CENPP: variants seen among roughly 807,000 people sequenced by gnomAD.
The protein encoded by CENPP is centromere protein P.
In CENPP, 24 loss-of-function variants were observed where a neutral mutation model predicts 35.6. The observed-to-expected ratio is 0.67, with a 90% CI of 0.49 to 0.95. The LOEUF is 0.95. Ranked by LOEUF, CENPP falls within the 40% of genes least tolerant of loss-of-function variation. The pLI, the probability that CENPP is intolerant of heterozygous loss-of-function variation, is 0.00. For synonymous variants in CENPP, 120 were observed against 125.5 expected, an observed-to-expected ratio of 0.96 and a Z score of 0.29; for missense variants, 332 against 345.3, an observed-to-expected ratio of 0.96 and a Z score of 0.31.
At chr9:92,520,639 G>A (rs1848007206) in intron 5 of CENPP, among the ~76,000 whole-genome samples, 1 of 152,094 alleles carries the variant, frequency 6.6e-6, no homozygotes, top group East Asian at 1.9e-4. Context: ...AATAGGTGTT[G>A]AAAGAAAACT....
At chr9:92,347,735 T>G (rs1841331895) in intron 4 of CENPP, among the ~76,000 whole-genome samples, 1 of 152,188 alleles carries the variant, frequency 6.6e-6, no homozygotes, top group African/African-American at 2.4e-5. Flanking sequence ...CTTTAAATAG[T>G]AAGCATTTCA....
At chr9:92,496,149 C>G in intron 5 of CENPP, 1 of 1,316,800 alleles carries the variant, frequency 7.6e-7, no homozygotes. Flanking sequence ...AGAGACTATA[C>G]CTTTTAGGTA....
intron 5 of CENPP, chr9:92,500,654 C>G (rs151131364): frequency 1.4e-6 from 2 of 1,427,502 alleles, no homozygotes; most frequent in East Asian, 2.3e-5. Context: ...TCCCAGAGAT[C>G]ATGTCATGGT....
chr9:92,444,482 A>G (rs191583135), intron 5 of CENPP, among the ~76,000 whole-genome samples: 7 of 152,084 alleles, frequency 4.6e-5, no homozygotes, highest in African/African-American at 1.7e-4. Flanking sequence ...TTTGATGGAC[A>G]AAACGTTTTA....
rs980472372 is a variant in CENPP at position 92,619,952 on chromosome 9, C to T, written c.*6803C>T. On this transcript the variant is annotated 3_prime_UTR_variant, in exon 8 of 8. Transcript: ENST00000375587. ...CTCAGAGTATCAAGTGAGTATCACT[C>T]GACACCTGCAAGGAGAGCGCAGGGG... 3 of 251,994 alleles carry T rather than the reference C, an allele frequency of 1.2e-5. No homozygotes were observed. Among genetic ancestry groups the T allele is most frequent in the East Asian group, 7.8e-5 (1 of 12,798 alleles). 15.6% of individuals were successfully genotyped at this position (251,994 alleles called of 1,614,324 possible).
chr9:92,567,027 C>T (rs551659071), intron 5 of CENPP, among the ~76,000 whole-genome samples: 18 of 152,098 alleles, frequency 1.2e-4, no homozygotes, highest in Non-Finnish European at 2.1e-4. Flanking sequence ...TAAAAGGAAA[C>T]AAAAGAATAC....
intron 5 of CENPP, among the ~76,000 whole-genome samples, chr9:92,407,760 C>G (rs1843346215): frequency 6.6e-6 from 1 of 152,086 alleles, no homozygotes; most frequent in Admixed American, 6.6e-5. Flanking sequence ...GCATGCACCA[C>G]CATGCCTGGC....
intron 4 of CENPP, among the ~76,000 whole-genome samples, chr9:92,351,157 C>T (rs957302079): frequency 6.6e-6 from 1 of 152,128 alleles, no homozygotes; most frequent in Non-Finnish European, 1.5e-5. Context: ...GTTGTACAAC[C>T]ATCACCACTA....
At chr9:92,449,041 T>TCAAGAAA (rs1844626009) in intron 5 of CENPP, among the ~76,000 whole-genome samples, 1 of 152,122 alleles carries the variant, frequency 6.6e-6, no homozygotes, top group Non-Finnish European at 1.5e-5. Flanking sequence ...ACAGAGATTT[T>TCAAGAAA]CAAGAAAAAT....
At chr9:92,344,177 C>T (rs1233370183) in intron 3 of CENPP, among the ~76,000 whole-genome samples, 2 of 151,920 alleles carry the variant, frequency 1.3e-5, no homozygotes, top group Non-Finnish European at 2.9e-5. Flanking sequence ...GAGAATTGAC[C>T]TAGTTAGCAG....
At chr9:92,402,548 T>G (rs985231976) in intron 5 of CENPP, among the ~76,000 whole-genome samples, 1 of 152,204 alleles carries the variant, frequency 6.6e-6, no homozygotes, top group African/African-American at 2.4e-5. Context: ...CATTTCTGTG[T>G]GCCAAGAAAA....
intron 5 of CENPP, among the ~76,000 whole-genome samples, chr9:92,490,305 A>G (rs1329522004): frequency 1.3e-5 from 2 of 152,230 alleles, no homozygotes; most frequent in African/African-American, 4.8e-5. Flanking sequence ...TTTTAACTAC[A>G]AGAGATGAAT....
At chr9:92,348,662 G>T (rs1841365330) in intron 4 of CENPP, among the ~76,000 whole-genome samples, 1 of 152,180 alleles carries the variant, frequency 6.6e-6, no homozygotes, top group Non-Finnish European at 1.5e-5. Flanking sequence ...AAAGTGCTGG[G>T]AATACAGGCG....
chr9:92,347,582 T>C (rs566610429), intron 4 of CENPP, among the ~76,000 whole-genome samples: 32 of 152,362 alleles, frequency 2.1e-4, no homozygotes, highest in African/African-American at 7.2e-4. Context: ...ATATGCCTAA[T>C]TATGAATTTA....
At chr9:92,353,259 G>C (rs142355820) in intron 4 of CENPP, among the ~76,000 whole-genome samples, 1 of 152,330 alleles carries the variant, frequency 6.6e-6, no homozygotes, top group East Asian at 1.9e-4. Context: ...TTCTGCAGCT[G>C]GTCATGTGGT....
rs117591639 is a variant in CENPP at position 92,351,923 on chromosome 9, C to A, written c.467+6136C>A. 5.8e-3 allele frequency among the ~76,000 whole-genome samples: 885 copies of A among 151,660 alleles called. 45 individuals carry two copies. In the East Asian group the frequency reaches 0.092, roughly 16 times the overall value. Reference sequence around the variant, plus strand: ...TACAGGCGTGAGCCACTGTGCCTGGCCAGTATTTGCCTTTTTTGACTGGTT... The same window carrying A: ...TACAGGCGTGAGCCACTGTGCCTGGACAGTATTTGCCTTTTTTGACTGGTT... On this transcript the variant is annotated intron_variant, in intron 4 of 7. Coordinates refer to ENST00000375587, the MANE Select transcript of CENPP (RefSeq NM_001012267.3).
intron 3 of CENPP, chr9:92,341,540 T>C (rs1841119938): frequency 6.6e-6 from 1 of 152,188 alleles, no homozygotes; most frequent in African/African-American, 2.4e-5. Flanking sequence ...TTAGGAAAAA[T>C]AGAAATGAAC....
chr9:92,583,628 G>GT (rs527365018), intron 5 of CENPP, among the ~76,000 whole-genome samples: 52 of 148,616 alleles, frequency 3.5e-4, no homozygotes, highest in East Asian at 1.6e-3. Context: ...GAGGAGTGGG[G>GT]TTTTTTTTTT....
chr9:92,619,614 C>T lies in CENPP; in HGVS notation c.*6465C>T, dbSNP rs1365320254. The T allele has an allele frequency of 1.4e-6, 2 of 1,474,720 alleles. No homozygotes were observed. The highest frequency in any genetic ancestry group is 1.2e-5 in the South Asian group (1 of 82,736). The allele number at this position is 1,474,720 out of a possible 1,614,324, so 91.4% of individuals were successfully genotyped here. A position where few individuals can be genotyped will look rare whatever the true frequency, so the allele number is the denominator to read the frequency against. On this transcript the variant is annotated 3_prime_UTR_variant, in exon 8 of 8. Transcript: ENST00000375587. ...TCCAGGTCACACAGGAAGCCTCTGC[C>T]CCCCCACACAACCTTCCTTCCCAGT...
Sources: allele counts gnomAD v4.1 joint callset (sites outside exome capture counted in the v4.1 genomes callset), GRCh38; gene constraint gnomAD v4.1.1; transcripts MANE v1.5; gene names NCBI Gene and HGNC (gene_info 2026-07-23, HGNC 2026-07-21).